The following VPS13A variants were observed in gnomAD, a reference collection of about 807,000 sequenced individuals.
VPS13A encodes the protein intermembrane lipid transfer protein VPS13A.
Under a neutral mutation model 390.9 loss-of-function variants are expected in VPS13A, and 264 were observed. The observed-to-expected ratio is 0.68, with a 90% CI of 0.61 to 0.75. VPS13A has a LOEUF of 0.75. Ranked by LOEUF, VPS13A falls within the 30% of genes least tolerant of loss-of-function variation. The probability of loss-of-function intolerance (pLI) is 0.00; values close to 1 mark genes in which losing one functional copy is unlikely to be tolerated. For missense variants in VPS13A, 3,409 were observed against 3,733.9 expected, an observed-to-expected ratio of 0.91 and a Z score of 2.27; for synonymous variants, 1,231 against 1,227.1, an observed-to-expected ratio of 1.00 and a Z score of -0.07.
At chr9:77,370,009 T>C (rs1189537076) in intron 63 of VPS13A, among the ~76,000 whole-genome samples, 1 of 152,190 alleles carries the variant, frequency 6.6e-6, no homozygotes, top group Non-Finnish European at 1.5e-5. Flanking sequence ...CCAAGCACCT[T>C]TCTGTACTTT....
rs748271780 is a variant in VPS13A, at chr9:77,340,180, T to C, written c.6777T>C (p.Val2259=). Residue 2259 remains valine, a splice_region_variant and synonymous_variant, in exon 49 of 72, where the codon GTT becomes GTC. Coordinates refer to ENST00000360280, the MANE Select transcript of VPS13A (RefSeq NM_033305.3). ...QPNHFFNNNK[V]QLMVTDSELS... Reference sequence around the variant, plus strand: ...TATTTGGAATATTTTTTTCCTAGGTTCAACTTATGGTAACTGATAGTGAGT... The same window carrying C: ...TATTTGGAATATTTTTTTCCTAGGTCCAACTTATGGTAACTGATAGTGAGT... The C allele has an allele frequency of 6.2e-7, 1 of 1,612,834 alleles. No homozygotes were observed. Among genetic ancestry groups the C allele is most frequent in the South Asian group, 1.1e-5 (1 of 91,022 alleles).
Position 77,302,961 on chromosome 9 carries a change from C to T in VPS13A, c.3859C>T (p.Leu1287=). Reference sequence around the variant, plus strand: ...ATACCAGGAAGTACTGGATCTACTCCTGCCATTAAATCTTGAGGTTGTGGT... The same window carrying T: ...ATACCAGGAAGTACTGGATCTACTCTTGCCATTAAATCTTGAGGTTGTGGT... ...DAYQEVLDLL[L]PLNLEVVVER... Residue 1287 remains leucine (L), a synonymous_variant, in exon 34 of 72, where the codon CTG becomes TTG. Coordinates refer to ENST00000360280, the MANE Select transcript of VPS13A (RefSeq NM_033305.3). 1 of 1,613,938 alleles carries T rather than the reference C, an allele frequency of 6.2e-7. No homozygotes were observed. Among genetic ancestry groups the T allele is most frequent in the Non-Finnish European group, 8.5e-7 (1 of 1,179,908 alleles).
intron 32 of VPS13A, among the ~76,000 whole-genome samples, chr9:77,294,998 T>C (rs1442875837): frequency 2.0e-5 from 3 of 152,084 alleles, no homozygotes. Flanking sequence ...ACCAAAAAAA[T>C]CATGTCACTT....
chr9:77,215,222 G>C (rs1293338765), intron 10 of VPS13A, among the ~76,000 whole-genome samples: 2 of 152,148 alleles, frequency 1.3e-5, no homozygotes, highest in Non-Finnish European at 2.9e-5. Context: ...CTTAATTATT[G>C]AATTTGCATG....
In VPS13A at chr9:77,226,671, TTAAAG is replaced by T. The variant is rs1222323633; in HGVS notation, c.1357+78_1357+82del. On this transcript the variant is annotated intron_variant, in intron 15 of 71. Transcript: ENST00000360280. ...TAAAGTTTTGCCATTTTTTGCCTAA[TTAAAG>T]TAAATAGACATTGAAATATATTTAT... The T allele has an allele frequency of 7.5e-6, 11 of 1,462,522 alleles. No individual in the cohort carries two copies. In the Admixed American group the frequency reaches 1.0e-4, roughly 14 times the overall value. 90.6% of individuals were successfully genotyped at this position (1,462,522 alleles called of 1,614,324 possible). A position where few individuals can be genotyped will look rare whatever the true frequency, so the allele number is the denominator to read the frequency against.
At chr9:77,348,894 A>G (rs1831309044) in intron 52 of VPS13A, among the ~76,000 whole-genome samples, 1 of 152,224 alleles carries the variant, frequency 6.6e-6, no homozygotes, top group South Asian at 2.1e-4. Context: ...TAAACAGATT[A>G]AAATTTGTAT....
chr9:77,362,420 G>A (rs1056413233), intron 59 of VPS13A, among the ~76,000 whole-genome samples: 2 of 152,156 alleles, frequency 1.3e-5, no homozygotes, highest in Non-Finnish European at 2.9e-5. Context: ...GAATGGTCTT[G>A]ACACCCTAGT....
At chr9:77,337,760 ATTC>A (rs1361870215) in intron 47 of VPS13A, 1 of 472,822 alleles carries the variant, frequency 2.1e-6, no homozygotes, top group African/African-American at 1.9e-5. Context: ...ATTATGTTGT[ATTC>A]TTTTAGTGCT....
intron 1 of VPS13A, among the ~76,000 whole-genome samples, chr9:77,199,698 A>G (rs1412451151): frequency 2.0e-5 from 3 of 152,190 alleles, no homozygotes; most frequent in Admixed American, 1.3e-4. Context: ...AAATGTTTGT[A>G]TATATTAACA....
intron 23 of VPS13A, among the ~76,000 whole-genome samples, chr9:77,261,414 G>A (rs1254426173): frequency 6.6e-6 from 1 of 151,342 alleles, no homozygotes; most frequent in Non-Finnish European, 1.5e-5. Context: ...CACATTATGA[G>A]TGTTTACAGT....
intron 67 of VPS13A, among the ~76,000 whole-genome samples, chr9:77,374,198 A>G (rs900636674): frequency 1.3e-5 from 2 of 152,124 alleles, no homozygotes; most frequent in African/African-American, 4.8e-5. Context: ...TCTGCAGTGG[A>G]TGCCTGAAAC....
At chr9:77,409,839 G>A (rs1834829471) in intron 71 of VPS13A, among the ~76,000 whole-genome samples, 1 of 150,884 alleles carries the variant, frequency 6.6e-6, no homozygotes, top group Admixed American at 6.6e-5. Context: ...TGAAAGTGAT[G>A]GGGAGAATGG....
chr9:77,340,928 T>C (rs1265403318), intron 50 of VPS13A, among the ~76,000 whole-genome samples: 2 of 152,184 alleles, frequency 1.3e-5, no homozygotes, highest in African/African-American at 4.8e-5. Context: ...CTTCAAGTTA[T>C]TTGAGGAGAG....
intron 54 of VPS13A, among the ~76,000 whole-genome samples, chr9:77,355,029 A>G (rs1831691947): frequency 6.6e-6 from 1 of 152,114 alleles, no homozygotes; most frequent in Non-Finnish European, 1.5e-5. Flanking sequence ...GAATTGTTTC[A>G]GTGTTACTTC....
At chr9:77,328,530 C>A (rs969131589) in intron 45 of VPS13A, among the ~76,000 whole-genome samples, 1 of 152,174 alleles carries the variant, frequency 6.6e-6, no homozygotes. Context: ...CATCTTCTTG[C>A]AACAGAAGGC....
chr9:77,358,090 G>T (rs1189750775), intron 56 of VPS13A, among the ~76,000 whole-genome samples: 1 of 151,080 alleles, frequency 6.6e-6, no homozygotes, highest in Non-Finnish European at 1.5e-5. Flanking sequence ...TGAGTAGCTG[G>T]GATTACAGGT....
At chr9:77,226,655 G>A in intron 15 of VPS13A, 57 bp downstream of exon 15, 1 of 1,569,728 alleles carries the variant, frequency 6.4e-7, no homozygotes, top group African/African-American at 1.3e-5. Context: ...ATAAAGTTTT[G>A]CCATTTTTTG....
chr9:77,348,656 T>C (rs780796737), intron 52 of VPS13A, among the ~76,000 whole-genome samples: 10 of 152,136 alleles, frequency 6.6e-5, no homozygotes, highest in Non-Finnish European at 1.2e-4. Flanking sequence ...TTCTATGTGA[T>C]CCCTTCCCTT....
At position 77,356,910 on chromosome 9, in the gene VPS13A, T is replaced by C. The variant is rs748887414; in HGVS notation, c.7806+43T>C. ...TGATGTGAAGTTTTAATTTTTTGCCTGTCGTAGTTTGGTGAATCACTAGTG... is the reference window on the plus strand; with the variant it reads ...TGATGTGAAGTTTTAATTTTTTGCCCGTCGTAGTTTGGTGAATCACTAGTG... On this transcript the variant is annotated intron_variant, in intron 55 of 71. Transcript: ENST00000360280. The C allele has an allele frequency of 3.1e-6, 5 of 1,606,074 alleles. No individual in the cohort carries two copies. The Admixed American group carries it at 5.0e-5, about 16-fold the overall frequency.
Sources: allele counts gnomAD v4.1 joint callset (sites outside exome capture counted in the v4.1 genomes callset), GRCh38; gene constraint gnomAD v4.1.1; transcripts MANE v1.5; gene names NCBI Gene and HGNC (gene_info 2026-07-23, HGNC 2026-07-21).